EPB41L4B: variants seen among roughly 807,000 people sequenced by gnomAD.
EPB41L4B encodes band 4.1-like protein 4B.
A neutral mutation model predicts 112.5 loss-of-function variants in EPB41L4B; 30 were observed. The observed-to-expected ratio is 0.27, with a 90% CI of 0.20 to 0.36. The LOEUF is 0.36. Ranked by LOEUF, EPB41L4B falls within the 10% of genes least tolerant of loss-of-function variation. EPB41L4B has a pLI of 1.00. For missense variants in EPB41L4B, 1,024 were observed against 1,133.3 expected, an observed-to-expected ratio of 0.90 and a Z score of 1.38; for synonymous variants, 408 against 439.7, an observed-to-expected ratio of 0.93 and a Z score of 0.90.
chr9:109,185,696 A>G (rs1002503448), intron 22 of EPB41L4B, 91 bp from the exon 23 acceptor site: 3 of 951,892 alleles, frequency 3.2e-6, no homozygotes, highest in Non-Finnish European at 3.1e-6. Flanking sequence ...GGAGAGAAAG[A>G]CAGCACAGTG....
Position 109,194,408 on chromosome 9 carries a change from T to A in EPB41L4B, c.2046-11A>T. The A allele has an allele frequency of 2.5e-6, 4 of 1,613,050 alleles. No homozygotes were observed. The highest frequency in any genetic ancestry group is 3.4e-6 in the Non-Finnish European group (4 of 1,179,332). ...AGGTCGTCTTCATCACTGCGGTTAC[T>A]AAAAGCACATGAAGCTCTGCTCATT... is the stretch of plus-strand genomic sequence containing the variant. On this transcript the variant is annotated splice_polypyrimidine_tract_variant and intron_variant, in intron 20 of 25. Transcript: ENST00000374566.
In EPB41L4B at chr9:109,279,826, G is replaced by A. The variant is rs1339176291; in HGVS notation, c.402C>T (p.Ala134=). Residue 134 remains alanine (A), a synonymous_variant, in exon 2 of 26, where the codon GCC becomes GCT. Coordinates refer to ENST00000374566, the MANE Select transcript of EPB41L4B (RefSeq NM_019114.5). ...CAAAGCAATAACCTACCGCAACCTG[G>A]GCAGAGTCGAGGAACTGGAGGCCAA... is the stretch of plus-strand genomic sequence containing the variant. ...DYFGLQFLDS[A]QVAHWLDHAK... is the part of the protein sequence containing the mutation. The A allele has an allele frequency of 5.0e-6, 8 of 1,613,874 alleles. No individual in the cohort carries two copies. The highest frequency in any genetic ancestry group is 6.8e-6 in the Non-Finnish European group (8 of 1,179,846).
intron 15 of EPB41L4B, chr9:109,241,428 A>G: frequency 7.8e-7 from 1 of 1,280,276 alleles, no homozygotes; most frequent in Non-Finnish European, 9.9e-7. Flanking sequence ...AAATCAGAAC[A>G]TCAATATGAT....
intron 17 of EPB41L4B, among the ~76,000 whole-genome samples, chr9:109,209,246 C>T (rs140918271): frequency 2.0e-5 from 3 of 152,222 alleles, no homozygotes; most frequent in African/African-American, 7.2e-5. Context: ...CCAGGGGGAC[C>T]TCCAAACATA....
rs1835848086 is a variant in EPB41L4B at position 109,276,778 on chromosome 9, T to C, written c.411+3039A>G. ...TCACAGACTTGGCTTTCTGGGAATC[T>C]GAGTGGCTAATGAGGGGTCACTTGG... On this transcript the variant is annotated intron_variant, in intron 2 of 25. Transcript: ENST00000374566. Among the ~76,000 whole-genome samples the C allele has an allele frequency of 2.6e-5, 4 of 152,214 alleles. 1 individual carries two copies. Among genetic ancestry groups the C allele is most frequent in the Admixed American group, 2.6e-4 (4 of 15,290 alleles).
rs988262765 is a variant in EPB41L4B, at chr9:109,180,447, C to T, written c.2487+2282G>A. On this transcript the variant is annotated intron_variant, in intron 24 of 25. Coordinates refer to ENST00000374566, the MANE Select transcript of EPB41L4B (RefSeq NM_019114.5). ...CCAGCAAGACTGCAGGGAGCCAGGA[C>T]GAGTGTCAGGGAAAGAGCATCTAAC... Among the ~76,000 whole-genome samples, 12 of 152,300 alleles carry T rather than the reference C, an allele frequency of 7.9e-5. No homozygotes were observed. The South Asian group carries it at 1.4e-3, about 18-fold the overall frequency.
At chr9:109,212,395 T>C (rs1031768028) in intron 17 of EPB41L4B, among the ~76,000 whole-genome samples, 2 of 152,188 alleles carry the variant, frequency 1.3e-5, no homozygotes, top group African/African-American at 4.8e-5. Flanking sequence ...AATAAAGATC[T>C]GTTGATTGAA....
intron 1 of EPB41L4B, among the ~76,000 whole-genome samples, chr9:109,301,931 G>A (rs1836985073): frequency 6.6e-6 from 1 of 152,126 alleles, no homozygotes; most frequent in Non-Finnish European, 1.5e-5. Flanking sequence ...AACTCCAACT[G>A]GATTCAGAAC....
chr9:109,308,805 C>T (rs1202268372), intron 1 of EPB41L4B, among the ~76,000 whole-genome samples: 3 of 152,154 alleles, frequency 2.0e-5, no homozygotes, highest in African/African-American at 4.8e-5. Context: ...AGGCCAGGCA[C>T]GGAGACTCAT....
intron 15 of EPB41L4B, among the ~76,000 whole-genome samples, chr9:109,228,271 C>T (rs1354047680): frequency 1.3e-5 from 2 of 152,168 alleles, no homozygotes; most frequent in Non-Finnish European, 1.5e-5. Context: ...TGTGCTGTTC[C>T]TAAGTCAACA....
intron 2 of EPB41L4B, among the ~76,000 whole-genome samples, chr9:109,273,401 C>A (rs965720461): frequency 6.6e-6 from 1 of 152,152 alleles, no homozygotes; most frequent in Non-Finnish European, 1.5e-5. Context: ...CATGTGCCAC[C>A]ACGCCTGGCT....
intron 24 of EPB41L4B, among the ~76,000 whole-genome samples, chr9:109,181,845 C>T (rs1832068462): frequency 1.3e-5 from 2 of 152,134 alleles, no homozygotes; most frequent in Non-Finnish European, 2.9e-5. Context: ...AAAACAATCC[C>T]AAAACCCCCA....
At chr9:109,261,424 G>A (rs917149214) in intron 6 of EPB41L4B, among the ~76,000 whole-genome samples, 10 of 152,136 alleles carry the variant, frequency 6.6e-5, no homozygotes, top group Admixed American at 2.0e-4. Flanking sequence ...GTCTGGGTGA[G>A]GTTGCTCATG....
chr9:109,180,055 C>T (rs1369840217), intron 24 of EPB41L4B, among the ~76,000 whole-genome samples: 1 of 152,154 alleles, frequency 6.6e-6, no homozygotes, highest in African/African-American at 2.4e-5. Flanking sequence ...TGGTTGTGCC[C>T]CTCCAGTTTT....
At chr9:109,176,848 G>A in intron 24 of EPB41L4B, 152 bp from the exon 25 acceptor site, 1 of 854,766 alleles carries the variant, frequency 1.2e-6, no homozygotes, top group East Asian at 2.6e-5. Context: ...CTTTGTGCCA[G>A]ACACCATGCT....
At chr9:109,224,856 T>C (rs1833706209) in intron 15 of EPB41L4B, among the ~76,000 whole-genome samples, 1 of 152,060 alleles carries the variant, frequency 6.6e-6, no homozygotes, top group Non-Finnish European at 1.5e-5. Flanking sequence ...CATGGGGGGA[T>C]GGGGGCTCGC....
At chr9:109,261,568 C>T (rs930114573) in intron 6 of EPB41L4B, among the ~76,000 whole-genome samples, 2 of 152,116 alleles carry the variant, frequency 1.3e-5, no homozygotes, top group Non-Finnish European at 2.9e-5. Context: ...TCATTAAAAA[C>T]CATCTCTATG....
intron 2 of EPB41L4B, among the ~76,000 whole-genome samples, chr9:109,274,817 G>A (rs1467596066): frequency 6.6e-6 from 1 of 152,202 alleles, no homozygotes; most frequent in Admixed American, 6.5e-5. Context: ...CTGTAAAATG[G>A]TTCTGTTTTA....
chr9:109,189,564 G>C (rs1373753173), intron 22 of EPB41L4B, among the ~76,000 whole-genome samples: 1 of 152,188 alleles, frequency 6.6e-6, no homozygotes, highest in African/African-American at 2.4e-5. Flanking sequence ...ACTCTACACA[G>C]AGACCGGCCA....
Sources: allele counts gnomAD v4.1 joint callset (sites outside exome capture counted in the v4.1 genomes callset), GRCh38; gene constraint gnomAD v4.1.1; transcripts MANE v1.5; gene names NCBI Gene and HGNC (gene_info 2026-07-23, HGNC 2026-07-21).